RAD54B: variants seen among roughly 807,000 people sequenced by gnomAD.
RAD54B encodes DNA repair and recombination protein RAD54B.
In RAD54B, 78 loss-of-function variants were observed where a neutral mutation model predicts 95.8. That is an observed-to-expected ratio of 0.81 (90% CI 0.68 to 0.98). The LOEUF is 0.98. Among genes scored for constraint, RAD54B ranks in the 50% least tolerant of loss-of-function variants. The pLI, the probability that RAD54B is intolerant of heterozygous loss-of-function variation, is 0.00. For missense variants in RAD54B, 957 were observed against 1,056.6 expected (o/e 0.91, Z 1.31); for synonymous variants, 328 against 354.9 (o/e 0.92, Z 0.85).
At chr8:94,413,223 A>G (rs568148061) in intron 3 of RAD54B, among the ~76,000 whole-genome samples, 1 of 152,230 alleles carries the variant, frequency 6.6e-6, no homozygotes, top group Non-Finnish European at 1.5e-5. Context: ...TTAAAAATTC[A>G]TATGGAAATA....
Position 94,372,367 on chromosome 8 carries a change from T to G in RAD54B, c.2536A>C (p.Ile846Leu), listed in dbSNP as rs1810461624. The change falls in exon 15 of 15, where the codon ATT becomes CTT. Residue 846 changes from isoleucine (I) to leucine (L), a missense_variant. By Grantham distance (5) the Ile-to-Leu change is conservative. Transcript: ENST00000336148. ...VHTGDSLEKF[I>L]VSRDCQLGPH... ...CCAAGCTGACAATCTCTAGAGACAA[T>G]GAATTTTTCCAACGAATCACCTGTA... 6.2e-7 allele frequency: 1 copy of G among 1,612,834 alleles called. No homozygotes were observed. Among genetic ancestry groups the G allele is most frequent in the African/African-American group, 1.3e-5 (1 of 74,866 alleles).
chr8:94,404,314 C>A, intron 5 of RAD54B, 75 bp from the exon 6 acceptor site: 1 of 1,318,194 alleles, frequency 7.6e-7, no homozygotes, highest in Non-Finnish European at 1.0e-6. Context: ...TTTCATTACC[C>A]TAAGATAGAA....
At chr8:94,401,292 T>A (rs1003609861) in intron 6 of RAD54B, among the ~76,000 whole-genome samples, 4 of 152,044 alleles carry the variant, frequency 2.6e-5, no homozygotes, top group African/African-American at 9.7e-5. Flanking sequence ...CTCCTCCACC[T>A]CTTCCGCCAC....
At chr8:94,464,094 A>C (rs1322625407) in intron 2 of RAD54B, among the ~76,000 whole-genome samples, 1 of 152,120 alleles carries the variant, frequency 6.6e-6, no homozygotes, top group Non-Finnish European at 1.5e-5. Flanking sequence ...TGGTAGGCAG[A>C]ATAACGGCTC....
At chr8:94,417,963 A>C (rs542772960) in intron 3 of RAD54B, among the ~76,000 whole-genome samples, 1 of 152,324 alleles carries the variant, frequency 6.6e-6, no homozygotes, top group Non-Finnish European at 1.5e-5. Context: ...TCAGTTCCTG[A>C]AAGGATTCAG....
intron 3 of RAD54B, chr8:94,430,095 C>T (rs1812050442): frequency 3.5e-6 from 3 of 864,326 alleles, no homozygotes; most frequent in Non-Finnish European, 4.2e-6. Flanking sequence ...GGGCAGATCA[C>T]GAGGTCAGGA....
chr8:94,405,887 G>A (rs1811376491), intron 5 of RAD54B, among the ~76,000 whole-genome samples: 1 of 151,912 alleles, frequency 6.6e-6, no homozygotes, highest in Non-Finnish European at 1.5e-5. Context: ...TGATGAAGAC[G>A]ATCATTTAAT....
Position 94,458,319 on chromosome 8 carries a change from T to G in RAD54B, c.253A>C (p.Lys85Gln). 2 of 1,610,358 alleles carry G rather than the reference T, an allele frequency of 1.2e-6. No homozygotes were observed. Among genetic ancestry groups the G allele is most frequent in the Non-Finnish European group, 1.7e-6 (2 of 1,178,704 alleles). The change falls in exon 3 of 15, where the codon AAA becomes CAA. Residue 85 changes from lysine (K) to glutamine (Q), a missense_variant. Lys to Gln is a moderately conservative substitution (Grantham distance 53). Coordinates refer to ENST00000336148, the MANE Select transcript of RAD54B (RefSeq NM_012415.3). ...EINNRDNCSG[K>Q]YCFEAPTLAT... is the part of the protein sequence containing the mutation. ...AGTGTAGGTGCTTCAAAACAATATT[T>G]TCCACTGCAATTATCTCTGTTATTG...
At position 94,400,299 on chromosome 8, in the gene RAD54B, C is replaced by CA; in HGVS notation, c.1108dup (p.Trp370LeufsTer12). On this transcript the variant is annotated frameshift_variant, in exon 7 of 15. Transcript: ENST00000336148. LOFTEE classifies it high-confidence loss of function. ...TAGCCATTTTTGAAATTCTTTCTTC[C>CA]AATTATTCACCAAGCTTCCAGGTGT... 6.2e-7 allele frequency: 1 copy of CA among 1,613,704 alleles called. No homozygotes were observed. Among genetic ancestry groups the CA allele is most frequent in the Non-Finnish European group, 8.5e-7 (1 of 1,179,826 alleles).
intron 3 of RAD54B, chr8:94,429,746 A>G: frequency 1.0e-6 from 1 of 984,404 alleles, no homozygotes; most frequent in Non-Finnish European, 1.2e-6. Context: ...TATATTCAGG[A>G]CATCTTTATA....
At chr8:94,382,918 C>A (rs1029059940) in intron 11 of RAD54B, among the ~76,000 whole-genome samples, 1 of 152,164 alleles carries the variant, frequency 6.6e-6, no homozygotes, top group Admixed American at 6.5e-5. Context: ...GTCAATTAAA[C>A]CTCTTTCCTT....
At chr8:94,470,374 G>A (rs1813140436) in intron 1 of RAD54B, among the ~76,000 whole-genome samples, 1 of 152,152 alleles carries the variant, frequency 6.6e-6, no homozygotes, top group South Asian at 2.1e-4. Flanking sequence ...CAAGGTGAGT[G>A]GATCACCTGA....
intron 3 of RAD54B, among the ~76,000 whole-genome samples, chr8:94,421,973 TGAAG>T (rs1026758766): frequency 1.1e-4 from 16 of 152,182 alleles, no homozygotes; most frequent in African/African-American, 3.1e-4. Context: ...CTAGTAATCT[TGAAG>T]GAAGTATGCT....
At chr8:94,460,301 T>C (rs1371370615) in intron 2 of RAD54B, among the ~76,000 whole-genome samples, 2 of 152,074 alleles carry the variant, frequency 1.3e-5, no homozygotes, top group Non-Finnish European at 2.9e-5. Context: ...TGAAACTCAG[T>C]CTCTACAAAA....
At chr8:94,392,764 ATTTTTTT>A (rs34856809) in intron 9 of RAD54B, among the ~76,000 whole-genome samples, 11 of 72,602 alleles carry the variant, frequency 1.5e-4, no homozygotes, top group Admixed American at 9.3e-4. Context: ...CACCTGGCTG[ATTTTTTT>A]TTTTTTTTTT....
intron 3 of RAD54B, among the ~76,000 whole-genome samples, chr8:94,456,715 G>A (rs1438901606): frequency 6.6e-6 from 1 of 152,164 alleles, no homozygotes; most frequent in East Asian, 1.9e-4. Flanking sequence ...AGGTGGATTA[G>A]ATCAAGAATG....
At chr8:94,406,002 T>C (rs1025321682) in intron 5 of RAD54B, among the ~76,000 whole-genome samples, 1 of 37,532 alleles carries the variant, frequency 2.7e-5, no homozygotes, top group African/African-American at 5.9e-5. Flanking sequence ...TGAAGTGCTT[T>C]TACACACACA....
At chr8:94,387,258 G>A (rs968413785) in intron 10 of RAD54B, 99 bp from the exon 11 acceptor site, 4 of 1,004,702 alleles carry the variant, frequency 4.0e-6, no homozygotes, top group African/African-American at 3.3e-5. Flanking sequence ...GAAGATTAAC[G>A]GCTATCTGAA....
intron 4 of RAD54B, among the ~76,000 whole-genome samples, chr8:94,410,506 A>G (rs1811503226): frequency 1.3e-5 from 2 of 152,158 alleles, no homozygotes; most frequent in Admixed American, 1.3e-4. Context: ...AACAGATTTT[A>G]TAGTTATAGG....
Sources: allele counts gnomAD v4.1 joint callset (sites outside exome capture counted in the v4.1 genomes callset), GRCh38; gene constraint gnomAD v4.1.1; transcripts MANE v1.5; gene names NCBI Gene and HGNC (gene_info 2026-07-23, HGNC 2026-07-21).